Variants in PRKG1 observed in about 807,000 individuals in gnomAD.
The protein encoded by PRKG1 is protein kinase cGMP-dependent 1, also known as cGMP-dependent protein kinase 1.
A neutral mutation model predicts 88.1 loss-of-function variants in PRKG1; 35 were observed. That is an observed-to-expected ratio of 0.40 (90% CI 0.30 to 0.53). The LOEUF is 0.53. Among genes scored for constraint, PRKG1 ranks in the 20% least tolerant of loss-of-function variants. The pLI is 0.59. For synonymous variants in PRKG1, 303 were observed against 292.5 expected (o/e 1.04, Z -0.37); for missense variants, 540 against 839.8 (o/e 0.64, Z 4.41).
chr10:51,782,925 A>G (rs1449233681), intron 3 of PRKG1, among the ~76,000 whole-genome samples: 1 of 151,978 alleles, frequency 6.6e-6, no homozygotes, highest in Non-Finnish European at 1.5e-5. Flanking sequence ...ACTAATACAG[A>G]CCTGTATTCA....
At chr10:52,133,481 T>C (rs16927132) in intron 7 of PRKG1, among the ~76,000 whole-genome samples, 50,592 of 152,046 alleles carry the variant, frequency 0.33, 8,754 homozygotes, top group African/African-American at 0.42. Flanking sequence ...TCTAGAAGTA[T>C]AGCTTCAAAT....
At chr10:51,776,815 A>T (rs1838451251) in intron 3 of PRKG1, among the ~76,000 whole-genome samples, 1 of 152,048 alleles carries the variant, frequency 6.6e-6, no homozygotes, top group South Asian at 2.1e-4. Context: ...ACAGAGCAAG[A>T]CTCTGTCTCA....
chr10:51,220,179 C>G (rs1028891636), intron 2 of PRKG1, among the ~76,000 whole-genome samples: 1 of 151,786 alleles, frequency 6.6e-6, no homozygotes, highest in African/African-American at 2.4e-5. Context: ...GGAGAGGCCA[C>G]TGGCTGACAA....
At chr10:51,965,172 C>A (rs575848718) in intron 5 of PRKG1, among the ~76,000 whole-genome samples, 1 of 152,108 alleles carries the variant, frequency 6.6e-6, no homozygotes, top group Non-Finnish European at 1.5e-5. Context: ...CAGATTATTT[C>A]ATCAATGAGG....
intron 2 of PRKG1, among the ~76,000 whole-genome samples, chr10:51,419,590 A>G (rs1399534576): frequency 6.6e-6 from 1 of 152,176 alleles, no homozygotes; most frequent in Non-Finnish European, 1.5e-5. Flanking sequence ...GGACTGTCAG[A>G]TGACAAAGGA....
chr10:51,979,527 G>A (rs1399042930), intron 5 of PRKG1, among the ~76,000 whole-genome samples: 1 of 131,772 alleles, frequency 7.6e-6, no homozygotes, highest in Non-Finnish European at 1.6e-5. Context: ...TTTGGAAATA[G>A]TTTCAGTAGG....
chr10:51,347,064 C>A (rs1282710920), intron 2 of PRKG1, among the ~76,000 whole-genome samples: 1 of 152,112 alleles, frequency 6.6e-6, no homozygotes, highest in Non-Finnish European at 1.5e-5. Context: ...ATTTTCGTGG[C>A]CACAGATGAA....
intron 2 of PRKG1, among the ~76,000 whole-genome samples, chr10:51,243,978 A>T (rs1456554212): frequency 1.3e-5 from 2 of 152,138 alleles, no homozygotes; most frequent in Non-Finnish European, 2.9e-5. Context: ...TCCCTAACAA[A>T]TGTAACAAAC....
chr10:51,960,378 G>A (rs1274339733), intron 5 of PRKG1, among the ~76,000 whole-genome samples: 1 of 151,958 alleles, frequency 6.6e-6, no homozygotes, highest in East Asian at 1.9e-4. Context: ...AAAAACAGGA[G>A]CAGTAGTTAT....
chr10:51,966,210 A>T (rs1476853897), intron 5 of PRKG1, among the ~76,000 whole-genome samples: 2 of 152,204 alleles, frequency 1.3e-5, no homozygotes, highest in African/African-American at 2.4e-5. Flanking sequence ...ATACATATTC[A>T]TGATTTTATA....
intron 2 of PRKG1, among the ~76,000 whole-genome samples, chr10:51,250,701 A>C (rs1435896207): frequency 6.6e-6 from 1 of 151,838 alleles, no homozygotes; most frequent in African/African-American, 2.4e-5. Flanking sequence ...CATCTATGAC[A>C]AAATGGAATT....
chr10:51,584,408 G>T (rs1838121082), intron 3 of PRKG1, among the ~76,000 whole-genome samples: 1 of 151,934 alleles, frequency 6.6e-6, no homozygotes, highest in Non-Finnish European at 1.5e-5. Flanking sequence ...CATCTAAAAG[G>T]AATATAATAT....
intron 2 of PRKG1, among the ~76,000 whole-genome samples, chr10:51,323,166 T>C (rs1841497981): frequency 6.6e-6 from 1 of 152,126 alleles, no homozygotes; most frequent in Admixed American, 6.5e-5. Context: ...CCTGAAAAAG[T>C]TTTTGTGAGC....
chr10:51,473,826 CA>C (rs1008769329), intron 3 of PRKG1, among the ~76,000 whole-genome samples: 15 of 151,600 alleles, frequency 9.9e-5, no homozygotes, highest in South Asian at 2.1e-4. Flanking sequence ...AAATCTGCAC[CA>C]TAAGAAGCTC....
chr10:51,767,645 T>C (rs759243185), intron 3 of PRKG1, among the ~76,000 whole-genome samples: 1 of 152,078 alleles, frequency 6.6e-6, no homozygotes, highest in Non-Finnish European at 1.5e-5. Context: ...TTTTAACCTA[T>C]GAAATCAGGC....
At chr10:51,830,560 G>GTTTTTTTT (rs531412645) in intron 4 of PRKG1, among the ~76,000 whole-genome samples, 3 of 83,646 alleles carry the variant, frequency 3.6e-5, no homozygotes, top group Non-Finnish European at 6.5e-5. Flanking sequence ...TTTTTTTTTT[G>GTTTTTTTT]TTTTTTTTTT....
chr10:51,780,493 T>C (rs1838558747), intron 3 of PRKG1, among the ~76,000 whole-genome samples: 1 of 152,168 alleles, frequency 6.6e-6, no homozygotes, highest in Admixed American at 6.6e-5. Context: ...AATGCATATT[T>C]AAAATACATG....
intron 5 of PRKG1, among the ~76,000 whole-genome samples, chr10:52,029,373 G>A (rs1279473476): frequency 1.3e-5 from 2 of 152,108 alleles, no homozygotes; most frequent in African/African-American, 4.8e-5. Flanking sequence ...AGTGCTATTA[G>A]AGAGGACAAA....
At chr10:52,151,150 C>A (rs556147202) in intron 8 of PRKG1, among the ~76,000 whole-genome samples, 8 of 151,966 alleles carry the variant, frequency 5.3e-5, no homozygotes, top group South Asian at 2.1e-4. Context: ...TTGTGTCATG[C>A]GGGTTTGGTG....
Sources: gnomAD v4.1 joint callset for allele counts (sites outside exome capture counted in the v4.1 genomes callset) on GRCh38, gnomAD v4.1.1 for gene constraint, MANE v1.5 for transcripts, NCBI Gene and HGNC (gene_info 2026-07-23, HGNC 2026-07-21) for gene names.